Variants in DEK observed in about 807,000 individuals in gnomAD.
The protein encoded by DEK is protein DEK.
Under a neutral mutation model 46.8 loss-of-function variants are expected in DEK, and 28 were observed. The ratio of observed to expected loss-of-function variants is 0.60; its 90% CI spans 0.44 to 0.82. The LOEUF (loss-of-function observed/expected upper bound fraction) is 0.82, where lower values mean the gene tolerates loss of function less well. Ranked by LOEUF, DEK falls within the 40% of genes least tolerant of loss-of-function variation. The probability of loss-of-function intolerance (pLI) is 0.00; values close to 1 mark genes in which losing one functional copy is unlikely to be tolerated. For synonymous variants in DEK, 160 were observed against 144.5 expected, an observed-to-expected ratio of 1.11 and a Z score of -0.77; for missense variants, 416 against 430.6, an observed-to-expected ratio of 0.97 and a Z score of 0.30.
chr6:18,226,200 CTT>C lies in DEK; in HGVS notation c.1088_1089del (p.Lys363ArgfsTer15), dbSNP rs1561969954. The C allele has an allele frequency of 7.5e-7, 1 of 1,338,360 alleles. No homozygotes were observed. The allele number at this position is 1,338,360 out of a possible 1,614,324, so 82.9% of individuals were successfully genotyped here. A position where few individuals can be genotyped will look rare whatever the true frequency, so the allele number is the denominator to read the frequency against. ...NYPTYDLTER[K>X]DFIKTTVKEL... is the part of the protein sequence containing the mutation. ...TCTTTTACAGTTGTTTTTATGAAAT[CTT>C]TTCTTTCAGTTAAATCATAAGTAGG... On this transcript the variant is annotated frameshift_variant, in exon 10 of 11. Transcript: ENST00000652689. LOFTEE classifies it high-confidence loss of function.
At chr6:18,234,362 A>C (rs144657354) in intron 9 of DEK, among the ~76,000 whole-genome samples, 2 of 152,180 alleles carry the variant, frequency 1.3e-5, no homozygotes, top group Non-Finnish European at 2.9e-5. Context: ...AAAGAAAAAA[A>C]TTGTTTGCCC....
At chr6:18,251,498 A>G (rs1791372512) in intron 6 of DEK, among the ~76,000 whole-genome samples, 1 of 152,212 alleles carries the variant, frequency 6.6e-6, no homozygotes, top group Non-Finnish European at 1.5e-5. Context: ...GTACCCTTCT[A>G]AAGGCACACT....
At chr6:18,260,404 G>A (rs1392936104) in intron 2 of DEK, among the ~76,000 whole-genome samples, 1 of 152,150 alleles carries the variant, frequency 6.6e-6, no homozygotes, top group African/African-American at 2.4e-5. Context: ...CATCTGGACA[G>A]CTACAATTCA....
At chr6:18,236,255 T>C (rs1790641124) in intron 9 of DEK, among the ~76,000 whole-genome samples, 197 bp downstream of exon 9, 1 of 152,218 alleles carries the variant, frequency 6.6e-6, no homozygotes, top group South Asian at 2.1e-4. Context: ...ATGTTGTTTA[T>C]AAAATAACTC....
intron 6 of DEK, among the ~76,000 whole-genome samples, chr6:18,253,196 G>C (rs1261995456): frequency 6.6e-6 from 1 of 151,590 alleles, no homozygotes; most frequent in Non-Finnish European, 1.5e-5. Flanking sequence ...ACCTCCCAGA[G>C]AACACCACTT....
chr6:18,264,144 C>T, intron 1 of DEK, 148 bp from the exon 2 acceptor site: 2 of 624,358 alleles, frequency 3.2e-6, no homozygotes, highest in South Asian at 7.3e-5. Context: ...CGCTCAGTCC[C>T]CAGGGGCGGC....
rs1791582531 is a variant in DEK, at chr6:18,256,075, C to CCTCCCA, written c.453-230_453-225dup. On this transcript the variant is annotated intron_variant, in intron 5 of 10. Transcript: ENST00000652689. ...CAATCTTGGCTCACCGCAACCTCCA[C>CCTCCCA]CTCCCAGGTTCAAGCGATTCTCCTG... Among the ~76,000 whole-genome samples the CCTCCCA allele has an allele frequency of 3.9e-5, 6 of 152,120 alleles. 1 individual carries two copies. The highest frequency in any genetic ancestry group is 1.4e-4 in the African/African-American group (6 of 41,478).
At chr6:18,227,552 C>A (rs538423691) in intron 9 of DEK, among the ~76,000 whole-genome samples, 2 of 152,072 alleles carry the variant, frequency 1.3e-5, no homozygotes. Context: ...ACCTCAGAAG[C>A]CGGCCGGATC....
chr6:18,246,729 A>AATT (rs1490311486), intron 7 of DEK, among the ~76,000 whole-genome samples: 2 of 152,226 alleles, frequency 1.3e-5, no homozygotes, highest in Non-Finnish European at 1.5e-5. Context: ...CTCGGCTTGC[A>AATT]TAAGATTTCT....
chr6:18,236,580 A>G lies in DEK; in HGVS notation c.919T>C (p.Ser307Pro). Residue 307 changes from serine (S) to proline (P), a missense_variant, in exon 9 of 11, where the codon TCA (serine) becomes CCA (proline). Transcript: ENST00000652689. ...SKKESESEDS[S>P]DDEPLIKKLK... ...TTTTTAATTAAAGGTTCATCATCTGAACTATCCTCAGACTCACTTTCTAAA... is the reference window on the plus strand; with the variant it reads ...TTTTTAATTAAAGGTTCATCATCTGGACTATCCTCAGACTCACTTTCTAAA... 6.4e-7 allele frequency: 1 copy of G among 1,563,748 alleles called. No homozygotes were observed. The highest frequency in any genetic ancestry group is 8.6e-7 in the Non-Finnish European group (1 of 1,162,354).
At chr6:18,262,766 A>G (rs1791934268) in intron 2 of DEK, among the ~76,000 whole-genome samples, 1 of 152,216 alleles carries the variant, frequency 6.6e-6, no homozygotes. Flanking sequence ...TATTAAAAAT[A>G]ATTTTAAAAT....
At chr6:18,252,139 T>A (rs938840751) in intron 6 of DEK, among the ~76,000 whole-genome samples, 1 of 152,162 alleles carries the variant, frequency 6.6e-6, no homozygotes, top group African/African-American at 2.4e-5. Flanking sequence ...AGGAAAGCAA[T>A]CAATGATTAA....
At chr6:18,229,183 T>C (rs1226449554) in intron 9 of DEK, among the ~76,000 whole-genome samples, 1 of 152,184 alleles carries the variant, frequency 6.6e-6, no homozygotes, top group East Asian at 1.9e-4. Flanking sequence ...TCCTGACTGT[T>C]AGAAGGAAAA....
At chr6:18,246,076 TCA>T (rs113646479) in intron 7 of DEK, among the ~76,000 whole-genome samples, 83 of 152,380 alleles carry the variant, frequency 5.4e-4, no homozygotes, top group African/African-American at 1.9e-3. Context: ...TTAAAATTAC[TCA>T]GTCTTGGGTA....
intron 7 of DEK, among the ~76,000 whole-genome samples, chr6:18,242,509 T>C (rs1274259725): frequency 6.6e-6 from 1 of 152,232 alleles, no homozygotes; most frequent in Non-Finnish European, 1.5e-5. Flanking sequence ...TAAAATTGCA[T>C]GCTGTTCTGA....
chr6:18,246,946 C>T (rs1439077562), intron 7 of DEK, among the ~76,000 whole-genome samples: 1 of 152,188 alleles, frequency 6.6e-6, no homozygotes, highest in African/African-American at 2.4e-5. Flanking sequence ...TATTAACTCA[C>T]TAATTTCCTA....
At chr6:18,257,683 T>G (rs1791659383) in intron 4 of DEK, among the ~76,000 whole-genome samples, 1 of 150,608 alleles carries the variant, frequency 6.6e-6, no homozygotes, top group East Asian at 2.0e-4. Context: ...CACACTGTAC[T>G]CCAGCCTGGG....
chr6:18,263,624 T>C (rs1440487955), intron 2 of DEK, among the ~76,000 whole-genome samples: 1 of 152,192 alleles, frequency 6.6e-6, no homozygotes, highest in Non-Finnish European at 1.5e-5. Context: ...AATACATCTC[T>C]ACCACGCTAA....
intron 9 of DEK, among the ~76,000 whole-genome samples, chr6:18,233,221 A>C (rs1257435205): frequency 3.3e-5 from 5 of 152,210 alleles, no homozygotes; most frequent in Non-Finnish European, 7.3e-5. Context: ...TAAAGACTTA[A>C]ACATTAGACC....
Sources: allele counts gnomAD v4.1 joint callset (sites outside exome capture counted in the v4.1 genomes callset), GRCh38; gene constraint gnomAD v4.1.1; transcripts MANE v1.5; gene names NCBI Gene and HGNC (gene_info 2026-07-23, HGNC 2026-07-21).